POTEI: variants seen among roughly 807,000 people sequenced by gnomAD.
POTEI encodes the protein POTE ankyrin domain family, member I.
Under a neutral mutation model 43.4 loss-of-function variants are expected in POTEI, and 14 were observed. That is an observed-to-expected ratio of 0.32 (90% confidence interval 0.21 to 0.50). POTEI has a LOEUF of 0.50. Ranked by LOEUF, POTEI falls within the 20% of genes least tolerant of loss-of-function variation. The pLI is 0.98. For synonymous variants in POTEI, 95 were observed against 297.9 expected, an observed-to-expected ratio of 0.32 and a Z score of 7.01; for missense variants, 235 against 795.4, an observed-to-expected ratio of 0.30 and a Z score of 8.47.
At position 130,460,112 on chromosome 2, in the gene POTEI, G is replaced by GTGGA. The variant is rs1412960649; in HGVS notation, c.*2703_*2704insTCCA. 6.6e-6 allele frequency: 1 copy of GTGGA among 151,010 alleles called. No homozygotes were observed. The highest frequency in any genetic ancestry group is 2.5e-5 in the African/African-American group (1 of 40,296). The allele number at this position is 151,010 out of a possible 1,614,324, so 9.4% of individuals were successfully genotyped here. On this transcript the variant is annotated 3_prime_UTR_variant, in exon 15 of 15. Coordinates refer to ENST00000451531, the MANE Select transcript of POTEI (RefSeq NM_001277406.2). ...CCTTGCTGCAGCTCTCCACTGATAT[G>GTGGA]GTACAGTCCACTAGCACGGAAGCTA...
At position 130,460,950 on chromosome 2, in the gene POTEI, G is replaced by C. The variant is rs1682612992; in HGVS notation, c.*1866C>G. The stretch of plus-strand genomic sequence containing the variant: ...GCCAGGAGGATCTGCCCATCAAGTA[G>C]AGAGCCTGGCCACTTTTCTGTAGGG... On this transcript the variant is annotated 3_prime_UTR_variant, in exon 15 of 15. Coordinates refer to ENST00000451531, the MANE Select transcript of POTEI (RefSeq NM_001277406.2). 1 of 146,018 alleles carries C rather than the reference G, an allele frequency of 6.8e-6. No individual in the cohort carries two copies. Among genetic ancestry groups the C allele is most frequent in the Admixed American group, 6.6e-5 (1 of 15,088 alleles). 9.0% of individuals were successfully genotyped at this position (146,018 alleles called of 1,614,324 possible). A position where few individuals can be genotyped will look rare whatever the true frequency, so the allele number is the denominator to read the frequency against.
chr2:130,467,693 A>C (rs1682881071), intron 13 of POTEI, among the ~76,000 whole-genome samples: 2 of 152,138 alleles, frequency 1.3e-5, no homozygotes, highest in African/African-American at 4.8e-5. Context: ...ATACAATGGG[A>C]AAATTTTGAA....
intron 1 of POTEI, among the ~76,000 whole-genome samples, chr2:130,507,255 C>T (rs1359402902): frequency 2.1e-5 from 1 of 48,288 alleles, no homozygotes; most frequent in African/African-American, 6.4e-5. Context: ...CAGAGTGAGA[C>T]TCCACCAAAA....
intron 8 of POTEI, among the ~76,000 whole-genome samples, 184 bp from the exon 9 acceptor site, chr2:130,488,382 T>C (rs1642395181): frequency 4.7e-5 from 1 of 21,216 alleles, no homozygotes; most frequent in African/African-American, 5.1e-5. Context: ...ATCATTAATA[T>C]ATCACAGAAA....
rs1558895811 is a variant in POTEI, at chr2:130,507,301, T to TAG, written c.521+1413_521+1414insCT. 0.017 allele frequency among the ~76,000 whole-genome samples: 179 copies of TAG among 10,676 alleles called. 48 individuals carry two copies. The Non-Finnish European group carries it at 0.21, about 12-fold the overall frequency. The allele number at this position is 10,676 out of a possible 152,430, so 7.0% of individuals were successfully genotyped here. ...ATATATATATATATATATATATATA[T>TAG]ATATATATATATATATACACACACA... is the stretch of plus-strand genomic sequence containing the variant. On this transcript the variant is annotated intron_variant, in intron 1 of 14. Coordinates refer to ENST00000451531, the MANE Select transcript of POTEI (RefSeq NM_001277406.2).
At chr2:130,496,730 A>T in intron 5 of POTEI, 108 bp from the exon 6 acceptor site, 1 of 1,229,286 alleles carries the variant, frequency 8.1e-7, no homozygotes, top group South Asian at 1.4e-5. Context: ...AGAATATCAG[A>T]ACTTAATAGT....
intron 1 of POTEI, among the ~76,000 whole-genome samples, chr2:130,507,224 A>G (rs1389816986): frequency 1.3e-5 from 1 of 75,254 alleles, no homozygotes; most frequent in African/African-American, 4.4e-5. Context: ...AGATCACACC[A>G]CTGCACTCCA....
rs1367219080 is a variant in POTEI at position 130,508,935 on chromosome 2, A to G, written c.301T>C (p.Trp101Arg). Residue 101 changes from tryptophan (W) to arginine (R), a missense_variant, in exon 1 of 15, where the codon TGG becomes CGG. By Grantham distance (101) the Trp-to-Arg change is moderately radical. Transcript: ENST00000451531. Reference protein sequence around the residue: ...MKTLRSKMGKWCCHCFPCCRG... With the variant: ...MKTLRSKMGKRCCHCFPCCRG... ...CAGCAGGGGAAGCAGTGGCAGCACCACTTGCCCATCTTGCTCCTGAGCGTC... is the reference window on the plus strand; with the variant it reads ...CAGCAGGGGAAGCAGTGGCAGCACCGCTTGCCCATCTTGCTCCTGAGCGTC... The G allele has an allele frequency of 6.3e-7, 1 of 1,585,172 alleles. No homozygotes were observed. The highest frequency in any genetic ancestry group is 8.6e-7 in the Non-Finnish European group (1 of 1,168,852).
chr2:130,509,385 C>T, upstream of POTEI: 2 of 421,642 alleles, frequency 4.7e-6, no homozygotes, highest in Non-Finnish European at 7.8e-6. Flanking sequence ...GCAGGTAAGC[C>T]CAACCCACCC....
Position 130,508,923 on chromosome 2 carries a change from A to C in POTEI, c.313T>G (p.Cys105Gly), listed in dbSNP as rs1684251147. The stretch of plus-strand genomic sequence containing the variant: ...CCGCTCCCCCTGCAGCAGGGGAAGC[A>C]GTGGCAGCACCACTTGCCCATCTTG... ...RSKMGKWCCH[C>G]FPCCRGSGKS... Residue 105 changes from cysteine (C) to glycine (G), a missense_variant, in exon 1 of 15, where the codon TGC becomes GGC. Physicochemically the swap from Cys to Gly is radical, Grantham distance 159. Transcript: ENST00000451531. 1.3e-6 allele frequency: 2 copies of C among 1,585,796 alleles called. No homozygotes were observed. Among genetic ancestry groups the C allele is most frequent in the Non-Finnish European group, 8.6e-7 (1 of 1,168,318 alleles).
chr2:130,507,273 G>T (rs7589245), intron 1 of POTEI, among the ~76,000 whole-genome samples: 2,391 of 4,216 alleles, frequency 0.57, 457 homozygotes, highest in South Asian at 0.68. Context: ...AAAAAAAAAG[G>T]ATATATATAT....
At chr2:130,495,185 T>C (rs1458120860) in intron 6 of POTEI, among the ~76,000 whole-genome samples, 3 of 46,380 alleles carry the variant, frequency 6.5e-5, no homozygotes, top group African/African-American at 1.4e-4. Flanking sequence ...AAACTTTCAT[T>C]CCTCATATGT....
Position 130,461,448 on chromosome 2 carries a change from C to A in POTEI, c.*1368G>T, listed in dbSNP as rs530973558. 6.6e-6 allele frequency: 1 copy of A among 152,158 alleles called. No individual in the cohort carries two copies. Among genetic ancestry groups the A allele is most frequent in the Non-Finnish European group, 1.5e-5 (1 of 68,164 alleles). The allele number at this position is 152,158 out of a possible 1,614,324, so 9.4% of individuals were successfully genotyped here. On this transcript the variant is annotated 3_prime_UTR_variant, in exon 15 of 15. Coordinates refer to ENST00000451531, the MANE Select transcript of POTEI (RefSeq NM_001277406.2). ...GACTAGAAATGTGGTCAGGGACTGACGTAAACAAGAGTCTGGCCACGTTTT... is the reference window on the plus strand; with the variant it reads ...GACTAGAAATGTGGTCAGGGACTGAAGTAAACAAGAGTCTGGCCACGTTTT...
Position 130,474,568 on chromosome 2 carries a change from T to C in POTEI, c.1597-9A>G, listed in dbSNP as rs1683128637. The C allele has an allele frequency of 3.0e-6, 1 of 337,390 alleles. No homozygotes were observed. Among genetic ancestry groups the C allele is most frequent in the Non-Finnish European group, 5.1e-6 (1 of 195,526 alleles). The allele number at this position is 337,390 out of a possible 1,614,324, so 20.9% of individuals were successfully genotyped here. ...GCCATAAAATTTTCTAGCTGGAAAA[T>C]ACAGAGAATAAGAAATTATCTACTT... is the stretch of plus-strand genomic sequence containing the variant. On this transcript the variant is annotated splice_polypyrimidine_tract_variant and intron_variant, in intron 12 of 14. Transcript: ENST00000451531.
chr2:130,479,333 G>A (rs1038875358), intron 10 of POTEI, among the ~76,000 whole-genome samples: 21 of 148,680 alleles, frequency 1.4e-4, no homozygotes, highest in Admixed American at 3.3e-4. Flanking sequence ...AGTAAAATGA[G>A]TAACTGAGAT....
intron 9 of POTEI, among the ~76,000 whole-genome samples, chr2:130,483,614 A>G (rs1683475158): frequency 3.5e-5 from 1 of 28,496 alleles, no homozygotes; most frequent in Non-Finnish European, 9.1e-5. Flanking sequence ...TTTTTTTTTG[A>G]GACGGAGTCT....
chr2:130,462,458 C>A lies in POTEI; in HGVS notation c.*358G>T. The A allele has an allele frequency of 3.5e-6, 1 of 285,236 alleles. No homozygotes were observed. Among genetic ancestry groups the A allele is most frequent in the Non-Finnish European group, 6.5e-6 (1 of 153,614 alleles). The allele number at this position is 285,236 out of a possible 1,614,324, so 17.7% of individuals were successfully genotyped here. ...CTGCACAAAAGCAATGCTATCACCT[C>A]CCCTGTGTGAACTAGGGAGAGGACT... On this transcript the variant is annotated 3_prime_UTR_variant, in exon 15 of 15. Coordinates refer to ENST00000451531, the MANE Select transcript of POTEI (RefSeq NM_001277406.2).
chr2:130,493,017 A>G (rs12329080), intron 6 of POTEI, among the ~76,000 whole-genome samples: 114,633 of 139,244 alleles, frequency 0.82, 45,232 homozygotes, highest in East Asian at 0.99. Context: ...TTATTTATAT[A>G]TTGCTTTGTT....
At chr2:130,480,440 G>A (rs1231699748) in intron 10 of POTEI, among the ~76,000 whole-genome samples, 4 of 150,968 alleles carry the variant, frequency 2.6e-5, no homozygotes, top group Non-Finnish European at 4.4e-5. Context: ...GTTCACTCAA[G>A]CATCTTGTCT....
Sources: gnomAD v4.1 joint callset for allele counts (sites outside exome capture counted in the v4.1 genomes callset) on GRCh38, gnomAD v4.1.1 for gene constraint, MANE v1.5 for transcripts, NCBI Gene and HGNC (gene_info 2026-07-23, HGNC 2026-07-21) for gene names.